Variants in TRPM3 observed in about 807,000 individuals in gnomAD.
TRPM3 encodes the protein transient receptor potential cation channel subfamily M member 3.
In TRPM3, 77 loss-of-function variants were observed where a neutral mutation model predicts 181.2. The ratio of observed to expected loss-of-function variants is 0.42; its 90% CI spans 0.35 to 0.51. The LOEUF (loss-of-function observed/expected upper bound fraction) is 0.51. Among genes scored for constraint, TRPM3 ranks in the 20% least tolerant of loss-of-function variants. The pLI is 0.01. For missense variants in TRPM3, 1,759 were observed against 2,196.7 expected, an observed-to-expected ratio of 0.80 and a Z score of 3.98; for synonymous variants, 745 against 796.4, an observed-to-expected ratio of 0.94 and a Z score of 1.09.
chr9:70,547,535 CAAAAAA>C (rs58051483), intron 25 of TRPM3, among the ~76,000 whole-genome samples: 1 of 119,340 alleles, frequency 8.4e-6, no homozygotes, highest in East Asian at 2.1e-4. Context: ...CTTACAAATG[CAAAAAA>C]AAAAAAAAAA....
intron 6 of TRPM3, among the ~76,000 whole-genome samples, chr9:70,797,409 T>C (rs73461943): frequency 0.013 from 1,950 of 152,274 alleles, 51 homozygotes; most frequent in African/African-American, 0.045. Flanking sequence ...ATTACAGTCT[T>C]TCTGTAAAAA....
chr9:71,266,476 A>G (rs947564115), intron 1 of TRPM3, among the ~76,000 whole-genome samples: 2 of 152,144 alleles, frequency 1.3e-5, no homozygotes, highest in East Asian at 1.9e-4. Flanking sequence ...TTTGTCCAGT[A>G]ATCCTTCCAA....
At chr9:71,307,172 T>C (rs1218999652) in intron 1 of TRPM3, among the ~76,000 whole-genome samples, 1 of 152,204 alleles carries the variant, frequency 6.6e-6, no homozygotes, top group African/African-American at 2.4e-5. Flanking sequence ...GTACTGATAA[T>C]CTCCAGTTAG....
chr9:70,806,849 T>G (rs1043822558), intron 6 of TRPM3, among the ~76,000 whole-genome samples: 2 of 152,220 alleles, frequency 1.3e-5, no homozygotes, highest in African/African-American at 2.4e-5. Flanking sequence ...TTAGTTTCAA[T>G]GACTTGACAT....
chr9:71,119,013 C>T (rs2073044952), intron 1 of TRPM3, among the ~76,000 whole-genome samples: 1 of 152,104 alleles, frequency 6.6e-6, no homozygotes, highest in African/African-American at 2.4e-5. Context: ...ATAGGAGAAA[C>T]ATACAACAAT....
intron 1 of TRPM3, among the ~76,000 whole-genome samples, chr9:70,966,106 A>G (rs1025552631): frequency 2.6e-5 from 4 of 152,180 alleles, no homozygotes; most frequent in South Asian, 4.1e-4. Flanking sequence ...GATAATTTCC[A>G]AAAGACGACA....
intron 1 of TRPM3, among the ~76,000 whole-genome samples, chr9:71,220,356 T>TTTTTTATTATTATTATTATTA (rs376042167): frequency 1.4e-5 from 2 of 145,928 alleles, no homozygotes; most frequent in African/African-American, 5.0e-5. Context: ...AAAAGTCTGA[T>TTTTTTATTATTATTATTATTA]TTATTATTAT....
intron 1 of TRPM3, among the ~76,000 whole-genome samples, chr9:71,348,169 G>A (rs960499804): frequency 3.3e-5 from 5 of 152,138 alleles, no homozygotes; most frequent in African/African-American, 1.2e-4. Flanking sequence ...CATACACAGA[G>A]ACACATTTCA....
At chr9:71,130,929 T>G (rs1357143623) in intron 1 of TRPM3, among the ~76,000 whole-genome samples, 1 of 152,202 alleles carries the variant, frequency 6.6e-6, no homozygotes, top group Admixed American at 6.5e-5. Context: ...TTTAATTAAA[T>G]TCTTTGCAAG....
intron 1 of TRPM3, among the ~76,000 whole-genome samples, chr9:71,100,358 TA>T (rs1406487800): frequency 6.6e-6 from 1 of 151,984 alleles, no homozygotes; most frequent in Non-Finnish European, 1.5e-5. Context: ...AAATTAGAAG[TA>T]AAGGATGCTC....
chr9:71,243,016 A>C (rs2131975942), intron 1 of TRPM3, among the ~76,000 whole-genome samples: 2 of 152,262 alleles, frequency 1.3e-5, no homozygotes, highest in Middle Eastern at 6.8e-3. Flanking sequence ...CCCCAGAGCC[A>C]GAGCCAGAGA....
At chr9:71,189,097 G>T (rs1223421159) in intron 1 of TRPM3, among the ~76,000 whole-genome samples, 1 of 151,788 alleles carries the variant, frequency 6.6e-6, no homozygotes, top group Non-Finnish European at 1.5e-5. Flanking sequence ...CTGAACATGA[G>T]TCAATCAGGA....
intron 9 of TRPM3, among the ~76,000 whole-genome samples, chr9:70,640,921 G>A (rs1455807448): frequency 6.6e-6 from 1 of 152,036 alleles, no homozygotes; most frequent in Non-Finnish European, 1.5e-5. Context: ...GAAACTCCAT[G>A]CTTTTTTGAT....
In TRPM3 at chr9:70,784,250, G is replaced by C; in HGVS notation, c.1003C>G (p.Leu335Val). 6.2e-7 allele frequency: 1 copy of C among 1,611,990 alleles called. No homozygotes were observed. The highest frequency in any genetic ancestry group is 1.7e-5 in the Admixed American group (1 of 59,900). Residue 335 changes from leucine to valine, a missense_variant, in exon 7 of 26, where the codon CTC (leucine) becomes GTC (valine). Transcript: ENST00000677713. ...ACATTGGGTCCTCCTTCCACTATGA[G>C]TGCCACCACAGGAACACCTTGACCG... ...RIGQGVPVVA[L>V]IVEGGPNVIS...
chr9:70,843,096 C>G lies in TRPM3; in HGVS notation c.708G>C (p.Lys236Asn). 3.1e-6 allele frequency: 5 copies of G among 1,611,326 alleles called. No individual in the cohort carries two copies. The highest frequency in any genetic ancestry group is 4.2e-6 in the Non-Finnish European group (5 of 1,179,258). The change falls in exon 5 of 26, where the codon AAG becomes AAC. Residue 236 changes from lysine to asparagine, a missense_variant. Physicochemically the swap from Lys to Asn is moderately conservative, Grantham distance 94. Around this residue, in one of 8 missense-constraint regions of TRPM3, gnomAD observed 737 missense variants for 957.4 expected, o/e 0.77. Coordinates refer to ENST00000677713, the MANE Select transcript of TRPM3 (RefSeq NM_001366145.2). ...TTCCTCGAGACTTAGAGGCATGATCCTTCAAGGCATCGCCAACATGACGAA... is the reference window on the plus strand; with the variant it reads ...TTCCTCGAGACTTAGAGGCATGATCGTTCAAGGCATCGCCAACATGACGAA... Reference protein sequence around the residue: ...GVIRHVGDALKDHASKSRGKI... With the variant: ...GVIRHVGDALNDHASKSRGKI...
chr9:70,858,854 G>A (rs2095451544), intron 3 of TRPM3, among the ~76,000 whole-genome samples: 1 of 152,096 alleles, frequency 6.6e-6, no homozygotes. Context: ...GAAGTCCAAT[G>A]GGACAGTGGA....
chr9:70,634,843 G>A (rs1473265555), intron 12 of TRPM3, among the ~76,000 whole-genome samples: 1 of 152,142 alleles, frequency 6.6e-6, no homozygotes, highest in Non-Finnish European at 1.5e-5. Context: ...AGGAGCTGGT[G>A]AATGAAGATT....
chr9:70,911,210 A>G (rs1167624957), intron 1 of TRPM3, among the ~76,000 whole-genome samples: 1 of 152,236 alleles, frequency 6.6e-6, no homozygotes, highest in Non-Finnish European at 1.5e-5. Context: ...TCATAGAAGT[A>G]TGGTCCTGTG....
chr9:70,994,470 C>A (rs1344823190), intron 1 of TRPM3, among the ~76,000 whole-genome samples: 1 of 152,008 alleles, frequency 6.6e-6, no homozygotes, highest in Non-Finnish European at 1.5e-5. Context: ...TTATATACTT[C>A]TCTAAAGCTC....
Sources: allele counts gnomAD v4.1 joint callset (sites outside exome capture counted in the v4.1 genomes callset), GRCh38; gene constraint gnomAD v4.1.1; regional missense constraint gnomAD v4.1.1; transcripts MANE v1.5; gene names NCBI Gene and HGNC (gene_info 2026-07-23, HGNC 2026-07-21).